GOLGA8F: variants seen among roughly 807,000 people sequenced by gnomAD.
GOLGA8F encodes the protein golgin subfamily A member 8F.
For missense variants in GOLGA8F, 2 were observed against 93.4 expected, an observed-to-expected ratio of 0.02 and a Z score of 4.03; for synonymous variants, 1 against 35.4, an observed-to-expected ratio of 0.03 and a Z score of 3.45.
chr15:28,380,195 T>C (rs1285814003), intron 1 of GOLGA8F, among the ~76,000 whole-genome samples: 1 of 147,692 alleles, frequency 6.8e-6, no homozygotes, highest in Admixed American at 6.9e-5. Context: ...TCCTGCCTAC[T>C]TAATGTTTAC....
chr15:28,385,807 G>A (rs2077602002), intron 13 of GOLGA8F, 90 bp downstream of exon 13: 3 of 177,016 alleles, frequency 1.7e-5, no homozygotes, highest in East Asian at 5.5e-5. Flanking sequence ...CCAGTCCAGC[G>A]GTAGCTCCAG....
intron 1 of GOLGA8F, among the ~76,000 whole-genome samples, chr15:28,379,986 C>A (rs1455382558): frequency 1.7e-4 from 24 of 137,368 alleles, no homozygotes; most frequent in African/African-American, 5.9e-4. Context: ...ATGACAGTCA[C>A]ATAGGTTTCT....
intron 1 of GOLGA8F, among the ~76,000 whole-genome samples, chr15:28,380,256 T>C (rs1184341736): frequency 3.4e-5 from 5 of 148,456 alleles, no homozygotes; most frequent in East Asian, 4.0e-4. Flanking sequence ...TGATTCTTGG[T>C]AAAACCCCAG....
rs1290567857 is a variant in GOLGA8F, at chr15:28,380,187, C to A, written c.49-320C>A. ...GACTAAACCACATGGCATACAGTTC[C>A]TGCCTACTTAATGTTTACTTTTCTA... On this transcript the variant is annotated intron_variant, in intron 1 of 18. Coordinates refer to ENST00000526619, the MANE Select transcript of GOLGA8F (RefSeq NM_001350920.2). 6.8e-5 allele frequency among the ~76,000 whole-genome samples: 10 copies of A among 147,408 alleles called. 1 individual carries two copies. The highest frequency in any genetic ancestry group is 2.5e-4 in the African/African-American group (10 of 40,548).
At chr15:28,380,231 G>A (rs1355833605) in intron 1 of GOLGA8F, among the ~76,000 whole-genome samples, 2 of 148,188 alleles carry the variant, frequency 1.3e-5, no homozygotes, top group Non-Finnish European at 3.0e-5. Flanking sequence ...TCTGGTTTTG[G>A]TCCCTGGCAG....
At position 28,387,617 on chromosome 15, in the gene GOLGA8F, A is replaced by T; in HGVS notation, c.1295A>T (p.His432Leu). The T allele has an allele frequency of 5.4e-6, 5 of 921,496 alleles. No individual in the cohort carries two copies. The highest frequency in any genetic ancestry group is 5.2e-5 in the South Asian group (4 of 76,232). 57.1% of individuals were successfully genotyped at this position (921,496 alleles called of 1,614,324 possible). ...CCACCCCCAGGAGATGGAGGAGGAC[A>T]TCTGGACAGTGAGGGGGAGGAGGCA... ...ALPGEGDGGG[H>L]LDSEGEEAPR... The change falls in exon 15 of 19, where the codon CAT (histidine) becomes CTT (leucine). Residue 432 changes from histidine (H) to leucine (L), a missense_variant. Coordinates refer to ENST00000526619, the MANE Select transcript of GOLGA8F (RefSeq NM_001350920.2).
chr15:28,380,263 C>T (rs1477541231), intron 1 of GOLGA8F, among the ~76,000 whole-genome samples: 4 of 148,352 alleles, frequency 2.7e-5, no homozygotes, highest in African/African-American at 9.9e-5. Context: ...TGGTAAAACC[C>T]CAGAGTTTGG....
In GOLGA8F at chr15:28,384,297, G is replaced by T. The variant is rs537804222; in HGVS notation, c.682-46G>T. On this transcript the variant is annotated intron_variant, in intron 9 of 18. Transcript: ENST00000526619. ...TGACCCCAGGTAACCAGGAGCAGGTGAGGACCAGTGACAGCCCTTCCTAAT... is the reference window on the plus strand; with the variant it reads ...TGACCCCAGGTAACCAGGAGCAGGTTAGGACCAGTGACAGCCCTTCCTAAT... 38 of 232,650 alleles carry T rather than the reference G, an allele frequency of 1.6e-4. 13 individuals are homozygous for T. Among genetic ancestry groups the T allele is most frequent in the African/African-American group, 8.8e-4 (36 of 40,720 alleles). 14.4% of individuals were successfully genotyped at this position (232,650 alleles called of 1,614,324 possible). A position where few individuals can be genotyped will look rare whatever the true frequency, so the allele number is the denominator to read the frequency against.
intron 15 of GOLGA8F, 84 bp from the exon 16 acceptor site, chr15:28,388,156 GTCACGGAGAAGCTGGCCCATGCCGGAAC>G: frequency 1.2e-5 from 1 of 82,684 alleles, no homozygotes; most frequent in Non-Finnish European, 2.0e-5. Context: ...CCTGCAGGAA[GTCACGGAGAAGCTGGCCCATGCCGGAAC>G]TCACCTCCGC....
rs1420253644 is a variant in GOLGA8F, at chr15:28,390,205, A to AT, written c.*1146dup. ...GAGCTTCTTTGAGGCTTGAAGATTG[A>AT]TTTTACCATCTAGACCACTCTGCCT... On this transcript the variant is annotated 3_prime_UTR_variant, in exon 19 of 19. Transcript: ENST00000526619. The AT allele has an allele frequency of 2.2e-4, 5 of 22,642 alleles. No homozygotes were observed. The highest frequency in any genetic ancestry group is 8.9e-4 in the African/African-American group (5 of 5,630). 1.4% of individuals were successfully genotyped at this position (22,642 alleles called of 1,614,324 possible). A position where few individuals can be genotyped will look rare whatever the true frequency, so the allele number is the denominator to read the frequency against.
chr15:28,380,213 C>G (rs1314192369), intron 1 of GOLGA8F, among the ~76,000 whole-genome samples: 88 of 147,266 alleles, frequency 6.0e-4, no homozygotes, highest in Middle Eastern at 3.8e-3. Flanking sequence ...TACTTTTCTA[C>G]CTCTGCCTCT....
intron 1 of GOLGA8F, among the ~76,000 whole-genome samples, chr15:28,380,098 TTGATA>T (rs2077551946): frequency 7.1e-6 from 1 of 140,486 alleles, no homozygotes; most frequent in Non-Finnish European, 1.5e-5. Context: ...TGAGGACACA[TTGATA>T]TAAGAGTTTG....
At chr15:28,384,287 A>T in intron 9 of GOLGA8F, 51 bp downstream of exon 9, 1 of 235,380 alleles carries the variant, frequency 4.2e-6, no homozygotes, top group East Asian at 2.7e-5. Context: ...CCAGGTAACC[A>T]GGAGCAGGTG....
chr15:28,380,018 C>T (rs1252652867), intron 1 of GOLGA8F, among the ~76,000 whole-genome samples: 3 of 139,248 alleles, frequency 2.2e-5, no homozygotes, highest in African/African-American at 5.3e-5. Context: ...AGACTTCTCT[C>T]TGAAATGAGG....
Sources: allele counts gnomAD v4.1 joint callset (sites outside exome capture counted in the v4.1 genomes callset), GRCh38; gene constraint gnomAD v4.1.1; transcripts MANE v1.5; gene names NCBI Gene and HGNC (gene_info 2026-07-23, HGNC 2026-07-21).